SORCS1: variants seen among roughly 807,000 people sequenced by gnomAD.
SORCS1 encodes VPS10 domain-containing receptor SorCS1.
In SORCS1, 60 loss-of-function variants were observed where a neutral mutation model predicts 146.1. The observed-to-expected ratio is 0.41, with a 90% confidence interval of 0.33 to 0.51. SORCS1 has a LOEUF of 0.51. Among genes scored for constraint, SORCS1 ranks in the 20% least tolerant of loss-of-function variants. The pLI, the probability that SORCS1 is intolerant of heterozygous loss-of-function variation, is 0.21. For synonymous variants in SORCS1, 637 were observed against 584.0 expected, an observed-to-expected ratio of 1.09 and a Z score of -1.31; for missense variants, 1,352 against 1,487.6, an observed-to-expected ratio of 0.91 and a Z score of 1.50.
intron 3 of SORCS1, among the ~76,000 whole-genome samples, chr10:106,795,542 G>A (rs1946514652): frequency 6.6e-6 from 1 of 152,182 alleles, no homozygotes; most frequent in African/African-American, 2.4e-5. Flanking sequence ...ACCACGTGAT[G>A]TGGGGTTGCT....
intron 22 of SORCS1, among the ~76,000 whole-genome samples, chr10:106,608,414 T>C (rs140988756): frequency 6.6e-6 from 1 of 152,194 alleles, no homozygotes; most frequent in Admixed American, 6.5e-5. Context: ...ATTTCCCAAT[T>C]AGGTGATTAT....
At chr10:107,178,318 A>G in the SORCS1 span, among the ~76,000 whole-genome samples, 1 of 152,026 alleles carries the variant, frequency 6.6e-6, no homozygotes, top group Non-Finnish European at 1.5e-5. Flanking sequence ...TCTGATAACT[A>G]TAATTCTACT....
chr10:107,092,330 A>T (rs1035594369), intron 1 of SORCS1, among the ~76,000 whole-genome samples: 1 of 152,182 alleles, frequency 6.6e-6, no homozygotes, highest in Non-Finnish European at 1.5e-5. Context: ...CTGCAGTGAA[A>T]ACCAGGATGA....
chr10:107,122,642 T>C (rs1040211363), intron 1 of SORCS1, among the ~76,000 whole-genome samples: 7 of 152,268 alleles, frequency 4.6e-5, no homozygotes, highest in Middle Eastern at 3.4e-3. Flanking sequence ...GATGGCACAA[T>C]AGCATGATGG....
At chr10:106,622,532 C>G (rs578236673) in intron 19 of SORCS1, among the ~76,000 whole-genome samples, 1 of 152,282 alleles carries the variant, frequency 6.6e-6, no homozygotes, top group African/African-American at 2.4e-5. Flanking sequence ...TTTGTGCATG[C>G]TACTCCCTCT....
intron 9 of SORCS1, among the ~76,000 whole-genome samples, chr10:106,696,078 C>T (rs973175413): frequency 6.6e-6 from 1 of 152,186 alleles, no homozygotes; most frequent in African/African-American, 2.4e-5. Flanking sequence ...ATACAGTTCA[C>T]CTCTGCTAAA....
intron 1 of SORCS1, among the ~76,000 whole-genome samples, chr10:106,975,070 A>G (rs958942045): frequency 6.6e-6 from 1 of 152,210 alleles, no homozygotes; most frequent in Admixed American, 6.5e-5. Flanking sequence ...GGTTTTACAC[A>G]TCTGGAGGAA....
At chr10:106,916,598 ACACAT>A (rs1308908920) in intron 2 of SORCS1, among the ~76,000 whole-genome samples, 1 of 148,758 alleles carries the variant, frequency 6.7e-6, no homozygotes, top group Non-Finnish European at 1.5e-5. Flanking sequence ...ACACACACAC[ACACAT>A]ATGCACAATT....
chr10:107,068,604 C>T lies in SORCS1; in HGVS notation c.558+95365G>A, dbSNP rs183087075. Among the ~76,000 whole-genome samples the T allele has an allele frequency of 1.0e-3, 154 of 152,276 alleles. 1 individual carries two copies. The highest frequency in any genetic ancestry group is 6.0e-4 in the Non-Finnish European group (41 of 68,018). On this transcript the variant is annotated intron_variant, in intron 1 of 25. Transcript: ENST00000263054. ...ATGAACTGCCGAGCATGGTGGCTCA[C>T]GCCTGTAATCCCACCACTTTGGGAG...
In SORCS1 at chr10:106,698,040, A is replaced by C. The variant is rs569057458; in HGVS notation, c.1413+1174T>G. ...TGCATTTTTCTAAACATATACACATAAACTAGACCCTATGCTAGTCTGCCA... is the reference window on the plus strand; with the variant it reads ...TGCATTTTTCTAAACATATACACATCAACTAGACCCTATGCTAGTCTGCCA... On this transcript the variant is annotated intron_variant, in intron 9 of 25. Transcript: ENST00000263054. Among the ~76,000 whole-genome samples, 9 of 152,354 alleles carry C rather than the reference A, an allele frequency of 5.9e-5. No homozygotes were observed. The East Asian group carries it at 1.5e-3, about 26-fold the overall frequency.
chr10:106,890,665 TTAAGTTACCA>T (rs1283899140), intron 2 of SORCS1, among the ~76,000 whole-genome samples: 2 of 152,182 alleles, frequency 1.3e-5, no homozygotes, highest in African/African-American at 4.8e-5. Context: ...GTCTCAATTC[TTAAGTTACCA>T]GAAGTTTTGA....
intron 18 of SORCS1, among the ~76,000 whole-genome samples, chr10:106,629,602 G>A (rs1848315642): frequency 6.6e-6 from 1 of 152,166 alleles, no homozygotes; most frequent in South Asian, 2.1e-4. Flanking sequence ...CTCCAAATCT[G>A]AAGGACACCA....
intron 1 of SORCS1, among the ~76,000 whole-genome samples, chr10:107,055,110 C>T (rs1047335595): frequency 2.0e-5 from 3 of 152,026 alleles, no homozygotes; most frequent in Non-Finnish European, 4.4e-5. Flanking sequence ...AATCATGGGA[C>T]CAGGGAGGTC....
chr10:106,855,048 C>T (rs1225787899), intron 2 of SORCS1, among the ~76,000 whole-genome samples: 2 of 152,116 alleles, frequency 1.3e-5, no homozygotes, highest in Non-Finnish European at 2.9e-5. Flanking sequence ...TATTTCAAAG[C>T]AGGTCTACCA....
intron 18 of SORCS1, among the ~76,000 whole-genome samples, chr10:106,640,195 C>G (rs1848983015): frequency 6.6e-6 from 1 of 152,212 alleles, no homozygotes; most frequent in Non-Finnish European, 1.5e-5. Context: ...GCCATCTTCT[C>G]TACCATCTGA....
intron 5 of SORCS1, among the ~76,000 whole-genome samples, chr10:106,741,136 CA>C (rs577077267): frequency 6.6e-6 from 1 of 152,144 alleles, no homozygotes; most frequent in Non-Finnish European, 1.5e-5. Flanking sequence ...TTCCAGAGAG[CA>C]AATACCATGT....
At chr10:106,609,179 G>C (rs147516637) in intron 22 of SORCS1, among the ~76,000 whole-genome samples, 2 of 152,258 alleles carry the variant, frequency 1.3e-5, no homozygotes, top group East Asian at 3.9e-4. Context: ...TTGGGACCCA[G>C]TGCTCTGTAC....
intron 1 of SORCS1, among the ~76,000 whole-genome samples, chr10:107,104,040 C>G (rs1414816485): frequency 6.6e-6 from 1 of 152,166 alleles, no homozygotes; most frequent in African/African-American, 2.4e-5. Context: ...GATAGAAACC[C>G]AACTGTATTA....
intron 2 of SORCS1, among the ~76,000 whole-genome samples, chr10:106,864,385 C>T (rs186030705): frequency 3.3e-5 from 5 of 152,102 alleles, no homozygotes; most frequent in South Asian, 2.1e-4. Flanking sequence ...TTGCAACCCT[C>T]GAGTCAGAAG....
Sources: gnomAD v4.1 joint callset for allele counts (sites outside exome capture counted in the v4.1 genomes callset) on GRCh38, gnomAD v4.1.1 for gene constraint, MANE v1.5 for transcripts, NCBI Gene and HGNC (gene_info 2026-07-23, HGNC 2026-07-21) for gene names.